The following ABHD2 variants were observed in gnomAD, a reference collection of about 807,000 sequenced individuals.
The protein encoded by ABHD2 is monoacylglycerol lipase ABHD2.
In ABHD2, 20 loss-of-function variants were observed where a neutral mutation model predicts 48.1. That is an observed-to-expected ratio of 0.42 (90% confidence interval 0.29 to 0.60). The LOEUF (loss-of-function observed/expected upper bound fraction) is 0.60, where lower values mean the gene tolerates loss of function less well. ABHD2 is among the 20% of genes least tolerant of loss of function. ABHD2 has a pLI of 0.24. For missense variants in ABHD2, 405 were observed against 550.9 expected (o/e 0.74, Z 2.65); for synonymous variants, 209 against 214.2 (o/e 0.98, Z 0.21).
the ABHD2 span, among the ~76,000 whole-genome samples, chr15:89,050,801 G>A: frequency 6.6e-6 from 1 of 152,172 alleles, no homozygotes; most frequent in Non-Finnish European, 1.5e-5. Context: ...GGGAGCTTGG[G>A]GAAAACATGC....
Position 89,195,553 on chromosome 15 carries a change from C to A in ABHD2, c.*130C>A. On this transcript the variant is annotated 3_prime_UTR_variant, in exon 11 of 11. Coordinates refer to ENST00000352732, the MANE Select transcript of ABHD2 (RefSeq NM_152924.5). This position sits in a 1 kb window ranked among gnomAD's most constrained non-coding sequence, Gnocchi z 5.1. The stretch of plus-strand genomic sequence containing the variant: ...CACACCATCAGCAGGGGGCACCCAC[C>A]ATGCACACCTGTCTCGGAGTAGGCA... 1 of 947,818 alleles carries A rather than the reference C, an allele frequency of 1.1e-6. No homozygotes were observed. Among genetic ancestry groups the A allele is most frequent in the Non-Finnish European group, 1.5e-6 (1 of 656,934 alleles). The allele number at this position is 947,818 out of a possible 1,614,324, so 58.7% of individuals were successfully genotyped here.
At position 89,150,478 on chromosome 15, in the gene ABHD2, T is replaced by TA. The variant is rs536938560; in HGVS notation, c.195-1198dup. On this transcript the variant is annotated intron_variant, in intron 3 of 10. Transcript: ENST00000352732. ...GCAGTGATATTTGCACCTGTGGTGT[T>TA]ACGCTGGCAAGTGGCTTCATGTCCT... Among the ~76,000 whole-genome samples, 27 of 152,334 alleles carry TA rather than the reference T, an allele frequency of 1.8e-4. No individual in the cohort carries two copies. The East Asian group carries it at 4.2e-3, about 24-fold the overall frequency.
At position 89,110,034 on chromosome 15, in the gene ABHD2, G is replaced by C. The variant is rs77889245; in HGVS notation, c.-106-3691G>C. ...AAATGATGTAAATAATTTAAATACT[G>C]TATTGCTTTTATTTAAATTTTTCTT... is the stretch of plus-strand genomic sequence containing the variant. On this transcript the variant is annotated intron_variant, in intron 1 of 10. Coordinates refer to ENST00000352732, the MANE Select transcript of ABHD2 (RefSeq NM_152924.5). 2.0e-3 allele frequency among the ~76,000 whole-genome samples: 307 copies of C among 152,090 alleles called. 2 individuals carry two copies. The highest frequency in any genetic ancestry group is 7.2e-3 in the African/African-American group (300 of 41,472).
upstream of ABHD2, among the ~76,000 whole-genome samples, chr15:89,086,697 G>A (rs943641621): frequency 4.6e-5 from 7 of 152,208 alleles, no homozygotes; most frequent in African/African-American, 7.2e-5. Flanking sequence ...CCACTGTACC[G>A]GTCCATGTTT....
In ABHD2 at chr15:89,100,957, A is replaced by G. The variant is rs1377165113; in HGVS notation, c.-107+12394A>G. ...TGGTATTGAGTTTTATATTTTCTGG[A>G]CCAAATAAGCTCATGTCAGTTGGAG... On this transcript the variant is annotated intron_variant, in intron 1 of 10. Transcript: ENST00000352732. The surrounding 1 kb of genome is among the most constrained non-coding windows in gnomAD (Gnocchi z 4.4). Among the ~76,000 whole-genome samples, 3 of 152,182 alleles carry G rather than the reference A, an allele frequency of 2.0e-5. No individual in the cohort carries two copies. Among genetic ancestry groups the G allele is most frequent in the Non-Finnish European group, 4.4e-5 (3 of 68,016 alleles).
Position 89,201,235 on chromosome 15 carries a change from G to T in ABHD2, c.*5812G>T. On this transcript the variant is annotated 3_prime_UTR_variant, in exon 11 of 11. Transcript: ENST00000352732. ...TGAGCCTTAAACCTTCATCTCTCAG[G>T]TGTTGATTTGCTTCTGATAGCTTCA... is the stretch of plus-strand genomic sequence containing the variant. 2 of 1,381,172 alleles carry T rather than the reference G, an allele frequency of 1.4e-6. No homozygotes were observed. Among genetic ancestry groups the T allele is most frequent in the South Asian group, 1.2e-5 (1 of 83,402 alleles). The allele number at this position is 1,381,172 out of a possible 1,614,324, so 85.6% of individuals were successfully genotyped here.
the ABHD2 span, among the ~76,000 whole-genome samples, chr15:89,079,261 G>A: frequency 6.6e-6 from 1 of 152,112 alleles, no homozygotes; most frequent in Non-Finnish European, 1.5e-5. This position sits in a 1 kb window ranked among gnomAD's most constrained non-coding sequence, Gnocchi z 4.3. Context: ...GCTAATCAAA[G>A]CCGCATAGGA....
intron 3 of ABHD2, chr15:89,136,385 G>A (rs1475339770): frequency 3.8e-6 from 2 of 520,310 alleles, no homozygotes; most frequent in South Asian, 1.4e-5. Context: ...ACTCTGAGGA[G>A]TTGACTGAAG....
At chr15:89,056,146 C>A in the ABHD2 span, among the ~76,000 whole-genome samples, 1 of 152,182 alleles carries the variant, frequency 6.6e-6, no homozygotes, top group African/African-American at 2.4e-5. Flanking sequence ...AGCTGCCACG[C>A]CTAGCCTGAT....
At position 89,193,085 on chromosome 15, in the gene ABHD2, G is replaced by A. The variant is rs889097168; in HGVS notation, c.997-150G>A. ...CTCATCACACTGCCAGAGAATACAA[G>A]GCGTCCTTCCTGTACCTGTTCAGCA... On this transcript the variant is annotated intron_variant, in intron 9 of 10. Coordinates refer to ENST00000352732, the MANE Select transcript of ABHD2 (RefSeq NM_152924.5). 5 of 666,504 alleles carry A rather than the reference G, an allele frequency of 7.5e-6. No homozygotes were observed. In the African/African-American group the frequency reaches 9.0e-5, roughly 12 times the overall value. The allele number at this position is 666,504 out of a possible 1,614,324, so 41.3% of individuals were successfully genotyped here. A position where few individuals can be genotyped will look rare whatever the true frequency, so the allele number is the denominator to read the frequency against.
intron 3 of ABHD2, chr15:89,136,282 T>C (rs550255425): frequency 3.1e-5 from 13 of 418,960 alleles, no homozygotes; most frequent in Non-Finnish European, 1.9e-5. Context: ...CGTTTCTCTT[T>C]CGTATGGGCC....
At position 89,108,029 on chromosome 15, in the gene ABHD2, A is replaced by G. The variant is rs59821491; in HGVS notation, c.-106-5696A>G. ...GCAATTTGTATTATGTTAAGAAGTC[A>G]TCTGTGGGTGTTCATGTCAGTTAGC... On this transcript the variant is annotated intron_variant, in intron 1 of 10. Transcript: ENST00000352732. Among the ~76,000 whole-genome samples the G allele has an allele frequency of 4.1e-3, 617 of 152,320 alleles. 6 individuals are homozygous for G. Among genetic ancestry groups the G allele is most frequent in the African/African-American group, 0.014 (587 of 41,570 alleles).
chr15:89,132,322 C>T (rs1244199696), intron 3 of ABHD2, among the ~76,000 whole-genome samples: 5 of 152,142 alleles, frequency 3.3e-5, no homozygotes, highest in African/African-American at 1.2e-4. Context: ...GTAACATGCC[C>T]ATAGAAGGGG....
At chr15:89,126,335 T>G (rs895390419) in intron 3 of ABHD2, among the ~76,000 whole-genome samples, 5 of 152,162 alleles carry the variant, frequency 3.3e-5, no homozygotes, top group Non-Finnish European at 7.3e-5. Flanking sequence ...AGCTTACACC[T>G]CATTTGCTTT....
chr15:89,145,380 T>C (rs1245275099), intron 3 of ABHD2, among the ~76,000 whole-genome samples: 1 of 152,228 alleles, frequency 6.6e-6, no homozygotes, highest in Non-Finnish European at 1.5e-5. Flanking sequence ...TTCTCCTGTT[T>C]CTTATGTACA....
At chr15:89,131,856 G>A (rs904060453) in intron 3 of ABHD2, among the ~76,000 whole-genome samples, 2 of 152,136 alleles carry the variant, frequency 1.3e-5, no homozygotes, top group East Asian at 3.9e-4. Flanking sequence ...AGAGTAGGAA[G>A]TTCAATAGGT....
At chr15:89,132,962 A>C (rs2050243371) in intron 3 of ABHD2, among the ~76,000 whole-genome samples, 1 of 152,240 alleles carries the variant, frequency 6.6e-6, no homozygotes, top group Admixed American at 6.5e-5. Flanking sequence ...ACAGCCATCA[A>C]CAGTGGCTTC....
chr15:89,159,238 A>G (rs545409816), intron 5 of ABHD2, among the ~76,000 whole-genome samples: 24 of 152,096 alleles, frequency 1.6e-4, no homozygotes, highest in African/African-American at 5.1e-4. Flanking sequence ...TTAGCCAGGC[A>G]TGGTGGCAGG....
the ABHD2 span, among the ~76,000 whole-genome samples, chr15:89,043,689 G>T: frequency 8.3e-5 from 11 of 131,858 alleles, no homozygotes; most frequent in South Asian, 2.0e-3. Flanking sequence ...GGAGGAGGGG[G>T]AGGAGGAGGA....
Sources: allele counts gnomAD v4.1 joint callset (sites outside exome capture counted in the v4.1 genomes callset), GRCh38; gene constraint gnomAD v4.1.1; non-coding constraint Gnocchi (gnomAD v3.1); transcripts MANE v1.5; gene names NCBI Gene and HGNC (gene_info 2026-07-23, HGNC 2026-07-21).